The following CDH13 variants were observed in gnomAD, a reference collection of about 807,000 sequenced individuals.
CDH13 encodes the protein cadherin 13, also known as cadherin-13.
A neutral mutation model predicts 63.8 loss-of-function variants in CDH13; 24 were observed. That is an observed-to-expected ratio of 0.38 (90% CI 0.27 to 0.53). CDH13 has a LOEUF of 0.53. Among genes scored for constraint, CDH13 ranks in the 20% least tolerant of loss-of-function variants. The pLI, the probability that CDH13 is intolerant of heterozygous loss-of-function variation, is 0.85. For missense variants in CDH13, 1,049 were observed against 903.1 expected, an observed-to-expected ratio of 1.16 and a Z score of -2.07; for synonymous variants, 503 against 355.3, an observed-to-expected ratio of 1.42 and a Z score of -4.67.
intron 4 of CDH13, among the ~76,000 whole-genome samples, chr16:83,151,694 G>A (rs1330924126): frequency 6.6e-6 from 1 of 152,226 alleles, no homozygotes; most frequent in Admixed American, 6.5e-5. Context: ...GCCAGGCACA[G>A]TGGTTCACGC....
intron 7 of CDH13, among the ~76,000 whole-genome samples, chr16:83,598,348 G>C (rs1907468177): frequency 6.6e-6 from 1 of 152,126 alleles, no homozygotes. Context: ...CTGAACGACA[G>C]AGTGAGACCC....
chr16:83,711,775 C>T (rs961936357), intron 10 of CDH13, among the ~76,000 whole-genome samples: 18 of 152,204 alleles, frequency 1.2e-4, no homozygotes, highest in African/African-American at 3.4e-4. Flanking sequence ...CTTGGCCTCC[C>T]AAAGCACTGG....
chr16:83,284,979 C>T (rs111600150), intron 5 of CDH13, among the ~76,000 whole-genome samples: 4,276 of 152,274 alleles, frequency 0.028, 87 homozygotes, highest in Middle Eastern at 0.051. Flanking sequence ...TAGCCAGCTT[C>T]TATACACACT....
chr16:82,954,673 C>G (rs1905793299), intron 2 of CDH13: 1 of 151,960 alleles, frequency 6.6e-6, no homozygotes. Context: ...AAGTGTAGCA[C>G]TCCATGGTTT....
At chr16:83,624,976 G>A (rs992717309) in intron 8 of CDH13, among the ~76,000 whole-genome samples, 4 of 152,168 alleles carry the variant, frequency 2.6e-5, no homozygotes, top group African/African-American at 4.8e-5. Flanking sequence ...ATGTCTTGCC[G>A]GTTCTGCATG....
At chr16:83,764,306 G>C (rs1914211280) in intron 11 of CDH13, among the ~76,000 whole-genome samples, 1 of 152,180 alleles carries the variant, frequency 6.6e-6, no homozygotes, top group Non-Finnish European at 1.5e-5. Context: ...AGGTGTCCTT[G>C]GACGTTGGCA....
chr16:82,954,036 T>A (rs922248899), intron 2 of CDH13: 6 of 152,122 alleles, frequency 3.9e-5, no homozygotes, highest in African/African-American at 1.4e-4. Flanking sequence ...ATAGTTTATT[T>A]GGGAGGTAAT....
chr16:83,576,228 C>T (rs2150714020), intron 7 of CDH13, among the ~76,000 whole-genome samples: 1 of 152,324 alleles, frequency 6.6e-6, no homozygotes, highest in Non-Finnish European at 1.5e-5. Flanking sequence ...TTTATCCATT[C>T]TGGACCTTCC....
chr16:82,816,074 G>A (rs938822602), intron 1 of CDH13, among the ~76,000 whole-genome samples: 48 of 152,118 alleles, frequency 3.2e-4, no homozygotes, highest in African/African-American at 1.1e-3. Flanking sequence ...TTGGTGAAGC[G>A]AAGGGTGTAC....
chr16:83,145,061 G>A lies in CDH13; in HGVS notation c.483+19560G>A, dbSNP rs572611035. 1.3e-4 allele frequency among the ~76,000 whole-genome samples: 11 copies of A among 82,464 alleles called. No homozygotes were observed. In the South Asian group the frequency reaches 3.4e-3, roughly 25 times the overall value. The allele number at this position is 82,464 out of a possible 152,430, so 54.1% of individuals were successfully genotyped here. On this transcript the variant is annotated intron_variant, in intron 4 of 13. Coordinates refer to ENST00000567109, the MANE Select transcript of CDH13 (RefSeq NM_001257.5). The stretch of plus-strand genomic sequence containing the variant: ...CACTTGCCCTTGCAGACACAAGTAC[G>A]GGGACATTATATTCAATTTTGGGTC...
Position 82,644,859 on chromosome 16 carries a change from C to T in CDH13, c.45+17722C>T, listed in dbSNP as rs752087066. 6.6e-6 allele frequency among the ~76,000 whole-genome samples: 1 copy of T among 152,108 alleles called. No homozygotes were observed. Among genetic ancestry groups the T allele is most frequent in the Admixed American group, 6.5e-5 (1 of 15,276 alleles). On this transcript the variant is annotated intron_variant, in intron 1 of 13. Coordinates refer to ENST00000567109, the MANE Select transcript of CDH13 (RefSeq NM_001257.5). The surrounding 1 kb of genome is among the most constrained non-coding windows in gnomAD (Gnocchi z 5.7). Reference sequence around the variant, plus strand: ...AGCATAGCGTTTTGCAAAATGTGTTCTGAAGAGATACTGGTTCCATGGGAG... The same window carrying T: ...AGCATAGCGTTTTGCAAAATGTGTTTTGAAGAGATACTGGTTCCATGGGAG...
At chr16:83,745,587 T>G (rs1912502469) in intron 10 of CDH13, among the ~76,000 whole-genome samples, 1 of 152,168 alleles carries the variant, frequency 6.6e-6, no homozygotes, top group Admixed American at 6.5e-5. Context: ...GGTGACTGCA[T>G]AGATGCCCAT....
chr16:83,130,550 T>C (rs1458791788), intron 4 of CDH13, among the ~76,000 whole-genome samples: 1 of 152,180 alleles, frequency 6.6e-6, no homozygotes, highest in African/African-American at 2.4e-5. Flanking sequence ...TGATATGTGA[T>C]AAAGGAAGTA....
At chr16:83,286,887 T>C (rs1397473036) in intron 5 of CDH13, among the ~76,000 whole-genome samples, 1 of 151,964 alleles carries the variant, frequency 6.6e-6, no homozygotes, top group Non-Finnish European at 1.5e-5. Context: ...GCTCATGCCA[T>C]GTGGAAAGTG....
At chr16:83,377,665 A>G (rs2091483223) in intron 6 of CDH13, among the ~76,000 whole-genome samples, 1 of 152,222 alleles carries the variant, frequency 6.6e-6, no homozygotes, top group South Asian at 2.1e-4. Flanking sequence ...CAAGGCTCCA[A>G]CCAGTGAGCT....
At chr16:82,697,180 A>G (rs2030402069) in intron 1 of CDH13, among the ~76,000 whole-genome samples, 1 of 152,208 alleles carries the variant, frequency 6.6e-6, no homozygotes, top group Admixed American at 6.5e-5. Context: ...CTGAAGGGAG[A>G]AAGATCAAAT....
At chr16:83,020,476 G>A (rs976673700) in intron 2 of CDH13, among the ~76,000 whole-genome samples, 5 of 152,174 alleles carry the variant, frequency 3.3e-5, no homozygotes, top group African/African-American at 1.2e-4. Context: ...GACTGCTCTA[G>A]TGTTCTCTCT....
chr16:83,683,795 G>C (rs1017456949), intron 10 of CDH13, among the ~76,000 whole-genome samples: 3 of 152,124 alleles, frequency 2.0e-5, no homozygotes, highest in Admixed American at 1.3e-4. Flanking sequence ...GGCATATACA[G>C]AATTCTTTGT....
intron 7 of CDH13, among the ~76,000 whole-genome samples, chr16:83,562,201 G>C (rs902548303): frequency 6.6e-6 from 1 of 152,172 alleles, no homozygotes; most frequent in Non-Finnish European, 1.5e-5. Flanking sequence ...CAAAGGGATA[G>C]TTCAGAACAG....
Sources: gnomAD v4.1 joint callset for allele counts (sites outside exome capture counted in the v4.1 genomes callset) on GRCh38, gnomAD v4.1.1 for gene constraint, Gnocchi (gnomAD v3.1) non-coding constraint, MANE v1.5 for transcripts, NCBI Gene and HGNC (gene_info 2026-07-23, HGNC 2026-07-21) for gene names.